The following KLHL26 variants were observed in gnomAD, a reference collection of about 807,000 sequenced individuals.
KLHL26 encodes the protein kelch-like protein 26.
A neutral mutation model predicts 7.1 loss-of-function variants in KLHL26; 4 were observed. That is an observed-to-expected ratio of 0.56 (90% CI 0.28 to 1.28). The LOEUF is 1.28. Ranked by LOEUF, KLHL26 falls within the 50% of genes most tolerant of loss-of-function variation. The pLI is 0.11. For synonymous variants in KLHL26, 465 were observed against 414.1 expected (o/e 1.12, Z -1.49); for missense variants, 896 against 924.6 (o/e 0.97, Z 0.40).
Position 18,656,473 on chromosome 19 carries a change from G to C in KLHL26, c.84-7788G>C, listed in dbSNP as rs1403124818. Among the ~76,000 whole-genome samples the C allele has an allele frequency of 1.3e-5, 2 of 152,064 alleles. No individual in the cohort carries two copies. Among genetic ancestry groups the C allele is most frequent in the Non-Finnish European group, 2.9e-5 (2 of 68,014 alleles). Reference sequence around the variant, plus strand: ...CCAGCCCTGGGTACAGTGGCCTCCTGCTAGGCACTCCCAGATGCTCTGTCT... The same window carrying C: ...CCAGCCCTGGGTACAGTGGCCTCCTCCTAGGCACTCCCAGATGCTCTGTCT... On this transcript the variant is annotated intron_variant, in intron 1 of 2. Transcript: ENST00000300976. The surrounding 1 kb of genome is among the most constrained non-coding windows in gnomAD (Gnocchi z 4.4).
intron 1 of KLHL26, among the ~76,000 whole-genome samples, chr19:18,642,943 CCTGCCTCAGCCTCCTGAGTAGCTGGGATT>C (rs1283344564): frequency 3.9e-5 from 6 of 151,954 alleles, no homozygotes; most frequent in African/African-American, 1.4e-4. Flanking sequence ...AAGCGATTCT[CCTGCCTCAGCCTCCTGAGTAGCTGGGATT>C]ACCAGTGCAC....
At position 18,648,335 on chromosome 19, in the gene KLHL26, A is replaced by G. The variant is rs1470145114; in HGVS notation, c.83+11198A>G. Among the ~76,000 whole-genome samples the G allele has an allele frequency of 6.6e-6, 1 of 152,158 alleles. No individual in the cohort carries two copies. Among genetic ancestry groups the G allele is most frequent in the Non-Finnish European group, 1.5e-5 (1 of 68,020 alleles). On this transcript the variant is annotated intron_variant, in intron 1 of 2. Transcript: ENST00000300976. The surrounding 1 kb of genome is among the most constrained non-coding windows in gnomAD (Gnocchi z 4.9). Reference sequence around the variant, plus strand: ...ACCACTGCACTCCAGCCTGGGCGACAAAGTGAGACTCTGTCTCAAAAAAGA... The same window carrying G: ...ACCACTGCACTCCAGCCTGGGCGACGAAGTGAGACTCTGTCTCAAAAAAGA...
chr19:18,650,078 G>A lies in KLHL26; in HGVS notation c.83+12941G>A, dbSNP rs1245544153. 6.6e-6 allele frequency among the ~76,000 whole-genome samples: 1 copy of A among 152,224 alleles called. No homozygotes were observed. The highest frequency in any genetic ancestry group is 1.5e-5 in the Non-Finnish European group (1 of 68,034). On this transcript the variant is annotated intron_variant, in intron 1 of 2. Transcript: ENST00000300976. The surrounding 1 kb of genome is among the most constrained non-coding windows in gnomAD (Gnocchi z 4.2). ...GGGCCTGGAGGAGATCTTGAGGGGT[G>A]GACCTTCAGGCTTGTAAAGGCCTGG...
At position 18,668,719 on chromosome 19, in the gene KLHL26, G is replaced by C. The variant is rs1568465164; in HGVS notation, c.1322G>C (p.Gly441Ala). Residue 441 changes from glycine (G) to alanine (A), a missense_variant, in exon 3 of 3, where the codon GGC becomes GCC. By Grantham distance (60) the Gly-to-Ala change is moderately conservative. Transcript: ENST00000300976. Reference protein sequence around the residue: ...ERYCPRRNEWGYACSLKRRTW... With the variant: ...ERYCPRRNEWAYACSLKRRTW... ...TACTGCCCCCGGCGCAATGAGTGGG[G>C]CTACGCCTGCTCGCTGAAGCGCCGT... The C allele has an allele frequency of 1.3e-6, 2 of 1,578,216 alleles. No homozygotes were observed. The highest frequency in any genetic ancestry group is 1.8e-5 in the Admixed American group (1 of 56,696).
intron 1 of KLHL26, among the ~76,000 whole-genome samples, chr19:18,657,805 G>A (rs981531027): frequency 3.9e-5 from 6 of 152,316 alleles, no homozygotes; most frequent in African/African-American, 1.4e-4. Flanking sequence ...AAGTAGCCTT[G>A]GGCAGTCTGG....
intron 1 of KLHL26, among the ~76,000 whole-genome samples, chr19:18,657,862 C>T (rs909139621): frequency 2.0e-5 from 3 of 152,136 alleles, no homozygotes; most frequent in Non-Finnish European, 2.9e-5. Flanking sequence ...AGCTGTCCCA[C>T]GGGAAAGCTT....
chr19:18,642,351 G>GTGTGTA (rs1011112877), intron 1 of KLHL26, among the ~76,000 whole-genome samples: 9 of 149,734 alleles, frequency 6.0e-5, no homozygotes, highest in African/African-American at 2.2e-4. Flanking sequence ...GTGTGTGTGT[G>GTGTGTA]TGTGTGTGTG....
intron 1 of KLHL26, among the ~76,000 whole-genome samples, chr19:18,639,557 A>G (rs1276399300): frequency 2.0e-5 from 3 of 151,374 alleles, no homozygotes; most frequent in Non-Finnish European, 4.4e-5. Flanking sequence ...CCACAGGTGC[A>G]TGCTACCATG....
chr19:18,642,230 C>T (rs372128970), intron 1 of KLHL26, among the ~76,000 whole-genome samples: 4 of 152,238 alleles, frequency 2.6e-5, no homozygotes, highest in African/African-American at 7.2e-5. Context: ...AACCTGCCCA[C>T]GTCTCCTTCC....
Position 18,637,114 on chromosome 19 carries a change from C to T in KLHL26, c.60C>T (p.Gly20=). ...GTGGCGGCGGCGCTTTCGGCGCGGG[C>T]CCGGGCCCCGAGCGCCCGAACAGGT... ...GAGGGGAFGA[G]PGPERPNSTA... Residue 20 remains glycine, a synonymous_variant, in exon 1 of 3, where the codon GGC becomes GGT. Transcript: ENST00000300976. 1 of 1,362,122 alleles carries T rather than the reference C, an allele frequency of 7.3e-7. No individual in the cohort carries two copies. The highest frequency in any genetic ancestry group is 9.4e-7 in the Non-Finnish European group (1 of 1,058,370). The allele number at this position is 1,362,122 out of a possible 1,614,324, so 84.4% of individuals were successfully genotyped here. A position where few individuals can be genotyped will look rare whatever the true frequency, so the allele number is the denominator to read the frequency against.
chr19:18,662,612 C>T (rs993695320), intron 1 of KLHL26, among the ~76,000 whole-genome samples: 11 of 152,156 alleles, frequency 7.2e-5, no homozygotes, highest in Admixed American at 2.6e-4. Context: ...CCTGGACACC[C>T]GTCGCAGGGT....
chr19:18,668,627 G>C lies in KLHL26; in HGVS notation c.1230G>C (p.Val410=). Reference sequence around the variant, plus strand: ...GCCGCATCCAGTTCCAGCTGAACGTGCTGTGCGGCATGGTGTACGCCACGG... The same window carrying C: ...GCCGCATCCAGTTCCAGCTGAACGTCCTGTGCGGCATGGTGTACGCCACGG... ...QESRIQFQLN[V]LCGMVYATGG... The change falls in exon 3 of 3, where the codon GTG becomes GTC. Residue 410 remains valine, a synonymous_variant. Transcript: ENST00000300976. 6.3e-7 allele frequency: 1 copy of C among 1,582,502 alleles called. No homozygotes were observed. The highest frequency in any genetic ancestry group is 8.5e-7 in the Non-Finnish European group (1 of 1,170,830).
intron 2 of KLHL26, chr19:18,667,351 T>G (rs1401477879): frequency 4.7e-6 from 2 of 427,212 alleles, no homozygotes; most frequent in African/African-American, 2.0e-5. Context: ...TGTTTTTGTT[T>G]GTTTGTTTGT....
Position 18,668,618 on chromosome 19 carries a change from G to C in KLHL26, c.1221G>C (p.Gln407His). 1 of 1,584,212 alleles carries C rather than the reference G, an allele frequency of 6.3e-7. No homozygotes were observed. Among genetic ancestry groups the C allele is most frequent in the Non-Finnish European group, 8.5e-7 (1 of 1,171,534 alleles). Residue 407 changes from glutamine to histidine, a missense_variant, in exon 3 of 3, where the codon CAG becomes CAC. By Grantham distance (24) the Gln-to-His change is conservative. Transcript: ENST00000300976. ...QAMQESRIQFQLNVLCGMVYA... is the reference protein window; with the variant it reads ...QAMQESRIQFHLNVLCGMVYA... The stretch of plus-strand genomic sequence containing the variant: ...TGCAGGAAAGCCGCATCCAGTTCCA[G>C]CTGAACGTGCTGTGCGGCATGGTGT...
chr19:18,643,636 G>T (rs1976753819), intron 1 of KLHL26, among the ~76,000 whole-genome samples: 1 of 151,638 alleles, frequency 6.6e-6, no homozygotes, highest in South Asian at 2.1e-4. Flanking sequence ...GTGCCACCAT[G>T]CCTGGCTAAT....
intron 1 of KLHL26, among the ~76,000 whole-genome samples, chr19:18,643,852 C>T (rs116133669): frequency 1.7e-3 from 266 of 152,234 alleles, no homozygotes; most frequent in African/African-American, 5.9e-3. Flanking sequence ...CCATAGCCTC[C>T]CGAAGTGCTG....
At chr19:18,661,616 G>A (rs1355540776) in intron 1 of KLHL26, among the ~76,000 whole-genome samples, 2 of 152,126 alleles carry the variant, frequency 1.3e-5, no homozygotes, top group Non-Finnish European at 2.9e-5. Flanking sequence ...TCACTCAGAA[G>A]GTGCTGTGAT....
Position 18,668,211 on chromosome 19 carries a change from G to C in KLHL26, c.814G>C (p.Val272Leu). The change falls in exon 3 of 3, where the codon GTG becomes CTG. Residue 272 changes from valine to leucine, a missense_variant. Val to Leu is a conservative substitution (Grantham distance 32, BLOSUM62 1). Coordinates refer to ENST00000300976, the MANE Select transcript of KLHL26 (RefSeq NM_018316.3). ...CAGCGTGCAGACGCTGGACATCATG[G>C]TGGAGGACGTGCTGTGCCGCCAGTA... ...VDSVQTLDIM[V>L]EDVLCRQYLL... is the part of the protein sequence containing the mutation. The C allele has an allele frequency of 6.2e-7, 1 of 1,611,888 alleles. No homozygotes were observed. Among genetic ancestry groups the C allele is most frequent in the Non-Finnish European group, 8.5e-7 (1 of 1,179,878 alleles).
intron 1 of KLHL26, among the ~76,000 whole-genome samples, chr19:18,651,146 GA>G (rs768878713): frequency 6.6e-6 from 1 of 152,198 alleles, no homozygotes; most frequent in African/African-American, 2.4e-5. Context: ...TGCAAGGTCT[GA>G]AGGCTGGAAT....
Sources: allele counts gnomAD v4.1 joint callset (sites outside exome capture counted in the v4.1 genomes callset), GRCh38; gene constraint gnomAD v4.1.1; non-coding constraint Gnocchi (gnomAD v3.1); transcripts MANE v1.5; gene names NCBI Gene and HGNC (gene_info 2026-07-23, HGNC 2026-07-21).